Variants in GEMIN5 observed in about 807,000 individuals in gnomAD.
GEMIN5 encodes the protein gem-associated protein 5.
Under a neutral mutation model 176.9 loss-of-function variants are expected in GEMIN5, and 124 were observed. The ratio of observed to expected loss-of-function variants is 0.70; its 90% CI spans 0.61 to 0.81. GEMIN5 has a LOEUF of 0.81. Ranked by LOEUF, GEMIN5 falls within the 40% of genes least tolerant of loss-of-function variation. The probability of loss-of-function intolerance (pLI) is 0.00; values close to 1 mark genes in which losing one functional copy is unlikely to be tolerated. For synonymous variants in GEMIN5, 673 were observed against 665.2 expected, an observed-to-expected ratio of 1.01 and a Z score of -0.18; for missense variants, 1,843 against 1,814.6, an observed-to-expected ratio of 1.02 and a Z score of -0.28.
chr5:154,921,343 C>A lies in GEMIN5; in HGVS notation c.1462G>T (p.Gly488Ter). 1 of 1,191,156 alleles carries A rather than the reference C, an allele frequency of 8.4e-7. No homozygotes were observed. The highest frequency in any genetic ancestry group is 1.3e-6 in the Non-Finnish European group (1 of 798,024). 73.8% of individuals were successfully genotyped at this position (1,191,156 alleles called of 1,614,324 possible). ...GTTATGGAATTGTTCAGATACTTAC[C>A]AAGTGACATGGGGGGTACTGGTGGC... ...WGPPVPPMSL[G>*]GEGDRPSLAL... The change falls in exon 10 of 28, where the codon GGA (glycine) becomes TGA (stop). Residue 488 changes from glycine to a stop codon, truncating the protein, a stop_gained and splice_region_variant. Coordinates refer to ENST00000285873, the MANE Select transcript of GEMIN5 (RefSeq NM_015465.5). LOFTEE classifies it high-confidence loss of function.
At chr5:154,907,345 C>T (rs886520239) in intron 16 of GEMIN5, among the ~76,000 whole-genome samples, 5 of 152,078 alleles carry the variant, frequency 3.3e-5, no homozygotes, top group Admixed American at 1.3e-4. Context: ...TTACCTTGCC[C>T]AAGTTGAATA....
At chr5:154,914,884 A>AT (rs1763781829) in intron 13 of GEMIN5, among the ~76,000 whole-genome samples, 1 of 152,162 alleles carries the variant, frequency 6.6e-6, no homozygotes, top group Non-Finnish European at 1.5e-5. Context: ...AATAAAGCCA[A>AT]TATGACAACA....
intron 21 of GEMIN5, among the ~76,000 whole-genome samples, chr5:154,899,685 T>A (rs1763427164): frequency 6.6e-6 from 1 of 152,038 alleles, no homozygotes; most frequent in South Asian, 2.1e-4. Context: ...AAACCTGGCA[T>A]CTAAGAAGGA....
intron 9 of GEMIN5, among the ~76,000 whole-genome samples, chr5:154,923,750 C>G (rs1474673746): frequency 6.6e-6 from 1 of 152,174 alleles, no homozygotes; most frequent in Non-Finnish European, 1.5e-5. Flanking sequence ...AATAAGGTAG[C>G]CATTAGTCAC....
Position 154,935,858 on chromosome 5 carries a change from T to C in GEMIN5, c.492A>G (p.Glu164=), listed in dbSNP as rs756537120. The C allele has an allele frequency of 3.1e-6, 5 of 1,612,818 alleles. No individual in the cohort carries two copies. The South Asian group carries it at 5.5e-5, about 18-fold the overall frequency. ...IFCLTCSPHH[E]DLVAIGYKDG... ...GTACTTACCCAATGGCTACTAAATC[T>C]TCATGATGAGGTGAACAAGTAAGAC... Residue 164 remains glutamate (E), a synonymous_variant, in exon 3 of 28, where the codon GAA becomes GAG. Transcript: ENST00000285873.
At chr5:154,916,093 G>A (rs903760133) in intron 13 of GEMIN5, among the ~76,000 whole-genome samples, 1 of 151,038 alleles carries the variant, frequency 6.6e-6, no homozygotes, top group South Asian at 2.1e-4. Context: ...TCCCTACATT[G>A]CCCAGGCTGG....
At chr5:154,905,986 T>C (rs1582658762) in intron 16 of GEMIN5, among the ~76,000 whole-genome samples, 1 of 151,800 alleles carries the variant, frequency 6.6e-6, no homozygotes, top group Middle Eastern at 3.4e-3. Context: ...CCACCGCTCC[T>C]GGCTTACTTT....
chr5:154,911,828 G>A lies in GEMIN5; in HGVS notation c.2066C>T (p.Ala689Val). Residue 689 changes from alanine (A) to valine (V), a missense_variant, in exon 15 of 28, where the codon GCA becomes GTA. Ala to Val is a moderately conservative substitution (Grantham distance 64). Coordinates refer to ENST00000285873, the MANE Select transcript of GEMIN5 (RefSeq NM_015465.5). Reference sequence around the variant, plus strand: ...GCAGTCTGGATCCAAAGGAGACCATGCCACACAAAGCAGTCGACCTCGATG... The same window carrying A: ...GCAGTCTGGATCCAAAGGAGACCATACCACACAAAGCAGTCGACCTCGATG... ...RGHRGRLLCV[A>V]WSPLDPDCIY... 6.2e-7 allele frequency: 1 copy of A among 1,613,736 alleles called. No homozygotes were observed. The highest frequency in any genetic ancestry group is 8.5e-7 in the Non-Finnish European group (1 of 1,179,630).
intron 16 of GEMIN5, 94 bp downstream of exon 16, chr5:154,907,497 G>A (rs2113475802): frequency 5.5e-6 from 4 of 728,134 alleles, no homozygotes; most frequent in East Asian, 5.7e-5. Flanking sequence ...TTGGAAAAAT[G>A]GGAACAGCGA....
At position 154,896,166 on chromosome 5, in the gene GEMIN5, G is replaced by C; in HGVS notation, c.3523C>G (p.Gln1175Glu). 1 of 1,613,946 alleles carries C rather than the reference G, an allele frequency of 6.2e-7. No individual in the cohort carries two copies. Among genetic ancestry groups the C allele is most frequent in the Non-Finnish European group, 8.5e-7 (1 of 1,179,882 alleles). ...AGCTTCTGAAAGGCTTCCTGATACT[G>C]CTCAGGGGTGTCAAGGCTGAAGATG... ...KSIFSLDTPEQYQEAFQKLQN... is the reference protein window; with the variant it reads ...KSIFSLDTPEEYQEAFQKLQN... The change falls in exon 24 of 28, where the codon CAG becomes GAG. Residue 1175 changes from glutamine to glutamate, a missense_variant. Gln to Glu is a conservative substitution (Grantham distance 29, BLOSUM62 2). Coordinates refer to ENST00000285873, the MANE Select transcript of GEMIN5 (RefSeq NM_015465.5).
At chr5:154,900,268 A>G (rs1231344382) in intron 21 of GEMIN5, among the ~76,000 whole-genome samples, 1 of 152,244 alleles carries the variant, frequency 6.6e-6, no homozygotes, top group Non-Finnish European at 1.5e-5. Context: ...TTCAAATGAC[A>G]TACAACTGCT....
At chr5:154,920,200 T>C in intron 10 of GEMIN5, 97 bp from the exon 11 acceptor site, 1 of 834,492 alleles carries the variant, frequency 1.2e-6, no homozygotes, top group East Asian at 2.7e-5. Flanking sequence ...ATAGTTGTTT[T>C]AAAAGAACTA....
Position 154,891,633 on chromosome 5 carries a change from C to T in GEMIN5, c.3870G>A (p.Trp1290Ter). Reference sequence around the variant, plus strand: ...AATTTGGGCAAGGTCTGGAGAGAGACCACCAGAATTCATACAGACGCCCAT... The same window carrying T: ...AATTTGGGCAAGGTCTGGAGAGAGATCACCAGAATTCATACAGACGCCCAT... ...FLYGRLYEFW[W>*]SLSRPCPNSS... The change falls in exon 26 of 28, where the codon TGG becomes TGA. Residue 1290 changes from tryptophan to a stop codon, truncating the protein, a stop_gained. Coordinates refer to ENST00000285873, the MANE Select transcript of GEMIN5 (RefSeq NM_015465.5). LOFTEE classifies it high-confidence loss of function. 1.9e-6 allele frequency: 3 copies of T among 1,614,104 alleles called. No individual in the cohort carries two copies. The highest frequency in any genetic ancestry group is 2.5e-6 in the Non-Finnish European group (3 of 1,180,012).
chr5:154,897,736 T>C (rs1400941122), intron 23 of GEMIN5, among the ~76,000 whole-genome samples: 2 of 151,978 alleles, frequency 1.3e-5, no homozygotes, highest in Non-Finnish European at 2.9e-5. Context: ...ATCTGCTGCA[T>C]CTGGCCCAGT....
chr5:154,913,134 G>T, intron 13 of GEMIN5, 96 bp from the exon 14 acceptor site: 1 of 1,060,002 alleles, frequency 9.4e-7, no homozygotes. Flanking sequence ...CAAGAATCAA[G>T]ATTTTGCCAT....
In GEMIN5 at chr5:154,892,381, A is replaced by G. The variant is rs1582647984; in HGVS notation, c.3760+6T>C. 6.2e-7 allele frequency: 1 copy of G among 1,611,392 alleles called. No individual in the cohort carries two copies. Among genetic ancestry groups the G allele is most frequent in the South Asian group, 1.1e-5 (1 of 90,868 alleles). ...GGTGTGCCTCAGGCAGCAGGAAGTCACTTACCGTCAGGGAGAAAGGCTGAG... is the reference window on the plus strand; with the variant it reads ...GGTGTGCCTCAGGCAGCAGGAAGTCGCTTACCGTCAGGGAGAAAGGCTGAG... On this transcript the variant is annotated splice_donor_region_variant and intron_variant, in intron 25 of 27. Coordinates refer to ENST00000285873, the MANE Select transcript of GEMIN5 (RefSeq NM_015465.5).
chr5:154,931,596 T>A lies in GEMIN5; in HGVS notation c.662-19A>T. 6.4e-7 allele frequency: 1 copy of A among 1,574,064 alleles called. No individual in the cohort carries two copies. Among genetic ancestry groups the A allele is most frequent in the Non-Finnish European group, 8.6e-7 (1 of 1,156,072 alleles). Reference sequence around the variant, plus strand: ...GCTTCTTCTATGAGATAGGTGGCAATTTTGTTTTTAATTTACATTAAACAC... The same window carrying A: ...GCTTCTTCTATGAGATAGGTGGCAAATTTGTTTTTAATTTACATTAAACAC... On this transcript the variant is annotated intron_variant, in intron 4 of 27. Transcript: ENST00000285873.
rs1380936487 is a variant in GEMIN5, at chr5:154,904,545, T to G, written c.2594A>C (p.Gln865Pro). The G allele has an allele frequency of 1.2e-6, 2 of 1,613,262 alleles. No homozygotes were observed. Among genetic ancestry groups the G allele is most frequent in the Non-Finnish European group, 1.7e-6 (2 of 1,179,214 alleles). ...LDHRSKEELH[Q>P]DCLVLATAKH... ...TGCAGTTGCTAGTACCAAACAGTCC[T>G]GATGAAGCTCCTCTTTGGATCTGTG... Residue 865 changes from glutamine to proline, a missense_variant, in exon 18 of 28, where the codon CAG (glutamine) becomes CCG (proline). By Grantham distance (76) the Gln-to-Pro change is moderately conservative. Coordinates refer to ENST00000285873, the MANE Select transcript of GEMIN5 (RefSeq NM_015465.5).
At chr5:154,906,416 T>C (rs1216801346) in intron 16 of GEMIN5, among the ~76,000 whole-genome samples, 1 of 152,220 alleles carries the variant, frequency 6.6e-6, no homozygotes, top group Non-Finnish European at 1.5e-5. Context: ...GGTCATAAAG[T>C]ACTAATTGCA....
Sources: allele counts gnomAD v4.1 joint callset (sites outside exome capture counted in the v4.1 genomes callset), GRCh38; gene constraint gnomAD v4.1.1; transcripts MANE v1.5; gene names NCBI Gene and HGNC (gene_info 2026-07-23, HGNC 2026-07-21).